Variants in FAM153A observed in about 807,000 individuals in gnomAD.
The protein encoded by FAM153A is protein FAM153A.
In FAM153A, 12 loss-of-function variants were observed where a neutral mutation model predicts 48.1. The ratio of observed to expected loss-of-function variants is 0.25; its 90% CI spans 0.16 to 0.40. The LOEUF is 0.40. Among genes scored for constraint, FAM153A ranks in the 10% least tolerant of loss-of-function variants. FAM153A has a pLI of 1.00. For synonymous variants in FAM153A, 36 were observed against 118.2 expected (o/e 0.30, Z 4.51); for missense variants, 111 against 345.8 (o/e 0.32, Z 5.38).
intron 10 of FAM153A, among the ~76,000 whole-genome samples, chr5:177,737,914 A>G (rs1337847471): frequency 6.6e-6 from 1 of 151,746 alleles, no homozygotes; most frequent in East Asian, 1.9e-4. Context: ...TTTGTTTTAA[A>G]GAAGACTAAA....
intron 1 of FAM153A, among the ~76,000 whole-genome samples, chr5:177,768,107 T>C (rs1352473531): frequency 8.6e-6 from 1 of 115,874 alleles, no homozygotes; most frequent in Non-Finnish European, 1.8e-5. Flanking sequence ...TTGGGTTAAA[T>C]TGAATTGCTA....
At chr5:177,699,482 G>A in the FAM153A span, among the ~76,000 whole-genome samples, 1 of 152,056 alleles carries the variant, frequency 6.6e-6, no homozygotes, top group East Asian at 1.9e-4. Context: ...ATCAAGCATA[G>A]AGGAGAAAAG....
chr5:177,701,299 C>T, the FAM153A span, among the ~76,000 whole-genome samples: 1 of 151,798 alleles, frequency 6.6e-6, no homozygotes, highest in Admixed American at 6.6e-5. Context: ...CATGGTGGCT[C>T]ATGCCTGTAA....
the FAM153A span, among the ~76,000 whole-genome samples, chr5:177,696,105 G>A: frequency 2.1e-5 from 3 of 142,806 alleles, no homozygotes; most frequent in African/African-American, 8.0e-5. Context: ...CTTCCCAGAC[G>A]GGGTGGCGGC....
Position 177,760,946 on chromosome 5 carries a change from G to A in FAM153A, c.-56-12247C>T, listed in dbSNP as rs1304915593. 8.0e-5 allele frequency among the ~76,000 whole-genome samples: 12 copies of A among 150,712 alleles called. 1 individual carries two copies. The highest frequency in any genetic ancestry group is 2.7e-4 in the African/African-American group (11 of 40,560). On this transcript the variant is annotated intron_variant, in intron 1 of 8. Transcript: ENST00000393518. Reference sequence around the variant, plus strand: ...TGGTAGAAAACAAACATTTCAATTTGCTAATGCTTCACAGGGACAAGAATT... The same window carrying A: ...TGGTAGAAAACAAACATTTCAATTTACTAATGCTTCACAGGGACAAGAATT...
exon 17 of FAM153A, chr5:177,729,512 G>A (rs750054125): frequency 1.9e-6 from 3 of 1,608,402 alleles, no homozygotes; most frequent in Middle Eastern, 2.2e-4. Context: ...CTTCCTCAGA[G>A]ACTGTCTGCT....
chr5:177,746,797 G>A (rs1375111492), intron 4 of FAM153A, among the ~76,000 whole-genome samples: 1 of 151,630 alleles, frequency 6.6e-6, no homozygotes, highest in Non-Finnish European at 1.5e-5. Flanking sequence ...GACGAGATGG[G>A]CACCAGGCTA....
the FAM153A span, among the ~76,000 whole-genome samples, chr5:177,696,233 G>A: frequency 3.6e-5 from 5 of 138,314 alleles, no homozygotes; most frequent in East Asian, 6.9e-4. Context: ...ATGGGTGGCC[G>A]GGCAGAGGCG....
chr5:177,766,654 C>T (rs544606523), intron 1 of FAM153A, among the ~76,000 whole-genome samples: 990 of 92,538 alleles, frequency 0.011, 129 homozygotes, highest in African/African-American at 0.039. Flanking sequence ...GAAACCTTTA[C>T]TTTGCCCTAA....
exon 26 of FAM153A, chr5:177,713,756 T>C (rs1759002278): frequency 3.3e-5 from 5 of 151,904 alleles, no homozygotes; most frequent in Admixed American, 3.3e-4. Flanking sequence ...ACCTGTTTTT[T>C]ATTCAAAGCC....
At chr5:177,712,977 A>G (rs1191392319) in exon 27 of FAM153A, 1 of 151,932 alleles carries the variant, frequency 6.6e-6, no homozygotes, top group African/African-American at 2.4e-5. Context: ...CTATGTGTCC[A>G]TCTTGTCCAT....
At chr5:177,711,911 C>CT (rs1758543154) in exon 27 of FAM153A, 1 of 151,864 alleles carries the variant, frequency 6.6e-6, no homozygotes, top group African/African-American at 2.4e-5. Context: ...CATTAGCAGA[C>CT]TTGGTTCTGC....
chr5:177,704,835 A>C (rs1398306075), downstream of FAM153A, among the ~76,000 whole-genome samples: 6 of 151,444 alleles, frequency 4.0e-5, no homozygotes, highest in Non-Finnish European at 8.8e-5. Context: ...CCCCATCTCT[A>C]CTAAAATACA....
At chr5:177,743,190 GTTTTTT>G (rs757108757) in intron 6 of FAM153A, among the ~76,000 whole-genome samples, 11,659 of 74,436 alleles carry the variant, frequency 0.16, 478 homozygotes, top group East Asian at 0.37. Context: ...GCATTCACTT[GTTTTTT>G]TTTTGTTTTG....
downstream of FAM153A, among the ~76,000 whole-genome samples, chr5:177,707,684 C>T (rs6861006): frequency 0.14 from 20,561 of 151,538 alleles, 1,952 homozygotes; most frequent in African/African-American, 0.25. Context: ...CTCAGCCTCC[C>T]GAGTAGCTGG....
chr5:177,771,782 A>C lies in FAM153A; in HGVS notation c.-57+8667T>G, dbSNP rs1312502335. Among the ~76,000 whole-genome samples, 11 of 96,534 alleles carry C rather than the reference A, an allele frequency of 1.1e-4. 3 individuals are homozygous for C. The South Asian group carries it at 1.5e-3, about 13-fold the overall frequency. 63.3% of individuals were successfully genotyped at this position (96,534 alleles called of 152,430 possible). On this transcript the variant is annotated intron_variant, in intron 1 of 8. Coordinates refer to the FAM153A transcript ENST00000393518. ...AGGGAGAGTAACCTCCATATAAAAC[A>C]CTTGGGTACTGAGTCTCTAATGAGA...
At chr5:177,705,197 G>A (rs1410232989), downstream of FAM153A, among the ~76,000 whole-genome samples, 7 of 151,226 alleles carry the variant, frequency 4.6e-5, no homozygotes, top group African/African-American at 1.2e-4. Flanking sequence ...TCATCTACTC[G>A]GGAGGCTGTG....
downstream of FAM153A, among the ~76,000 whole-genome samples, chr5:177,708,735 C>T (rs1382395497): frequency 6.6e-6 from 1 of 151,746 alleles, no homozygotes; most frequent in Non-Finnish European, 1.5e-5. Flanking sequence ...ACGGTATTGG[C>T]AAGTGGCACA....
chr5:177,754,838 A>G (rs1767532484), upstream of FAM153A, among the ~76,000 whole-genome samples: 1 of 151,854 alleles, frequency 6.6e-6, no homozygotes, highest in Non-Finnish European at 1.5e-5. Context: ...CCCCATCTGT[A>G]TGTCACCATC....
Sources: gnomAD v4.1 joint callset for allele counts (sites outside exome capture counted in the v4.1 genomes callset) on GRCh38, gnomAD v4.1.1 for gene constraint, MANE v1.5 for transcripts, NCBI Gene and HGNC (gene_info 2026-07-23, HGNC 2026-07-21) for gene names.